VWA3B: variants seen among roughly 807,000 people sequenced by gnomAD.
VWA3B encodes the protein von Willebrand factor A domain-containing protein 3B.
In VWA3B, 138 loss-of-function variants were observed where a neutral mutation model predicts 158.3. That is an observed-to-expected ratio of 0.87 (90% CI 0.76 to 1.00). The LOEUF is 1.00. Ranked by LOEUF, VWA3B falls within the 50% of genes least tolerant of loss-of-function variation. The probability of loss-of-function intolerance (pLI) is 0.00; values close to 1 mark genes in which losing one functional copy is unlikely to be tolerated. For synonymous variants in VWA3B, 596 were observed against 587.3 expected (o/e 1.01, Z -0.21); for missense variants, 1,555 against 1,565.1 (o/e 0.99, Z 0.11).
At chr2:98,312,176 T>A in intron 27 of VWA3B, 24 bp from the exon 28 acceptor site, 2 of 1,614,168 alleles carry the variant, frequency 1.2e-6, no homozygotes, top group South Asian at 2.2e-5. Context: ...CATCCTTAAG[T>A]AATGCTGAAC....
intron 2 of VWA3B, among the ~76,000 whole-genome samples, chr2:98,095,471 G>A (rs1046837360): frequency 6.6e-6 from 1 of 152,038 alleles, no homozygotes; most frequent in African/African-American, 2.4e-5. Flanking sequence ...TGTTAATTTT[G>A]TAGTCTGCAA....
At chr2:98,126,538 GT>G (rs1400111053) in intron 5 of VWA3B, among the ~76,000 whole-genome samples, 1 of 152,188 alleles carries the variant, frequency 6.6e-6, no homozygotes, top group African/African-American at 2.4e-5. Flanking sequence ...GTTTAAATGT[GT>G]CTCCCACAAG....
intron 13 of VWA3B, chr2:98,216,924 T>C (rs960935383): frequency 1.7e-5 from 22 of 1,302,478 alleles, no homozygotes; most frequent in Non-Finnish European, 2.1e-5. Context: ...GTTTCCTTCA[T>C]TCCATACAGC....
intron 8 of VWA3B, among the ~76,000 whole-genome samples, chr2:98,180,449 C>A (rs945133493): frequency 6.6e-6 from 1 of 152,268 alleles, no homozygotes; most frequent in Admixed American, 6.5e-5. Context: ...GCCTTGGCCT[C>A]CCAAAGTGTT....
rs948604146 is a variant in VWA3B, at chr2:98,126,296, C to T, written c.703-1943C>T. 6.0e-4 allele frequency among the ~76,000 whole-genome samples: 91 copies of T among 152,284 alleles called. 1 individual carries two copies. Among genetic ancestry groups the T allele is most frequent in the African/African-American group, 1.9e-3 (80 of 41,546 alleles). ...GAGGAAAGAAGCTGAGTTTACATGA[C>T]GTGCATTGGACGTGTGTGGTGTCAG... On this transcript the variant is annotated intron_variant, in intron 5 of 27. Transcript: ENST00000477737.
chr2:98,207,813 G>A (rs919930036), intron 12 of VWA3B: 2 of 231,370 alleles, frequency 8.6e-6, no homozygotes, highest in African/African-American at 2.3e-5. Context: ...TCAGGTTTCG[G>A]TGTAAGCCAC....
Position 98,093,207 on chromosome 2 carries a change from TG to T in VWA3B, c.117del (p.Trp39CysfsTer12). 4 of 1,614,122 alleles carry T rather than the reference TG, an allele frequency of 2.5e-6. No individual in the cohort carries two copies. The highest frequency in any genetic ancestry group is 3.4e-6 in the Non-Finnish European group (4 of 1,180,000). ...GCAGAGTCTCATTTCATCTGAGAAA[TG>T]GCTTCAACTGCATGGGCTTAAGAGC... ...AEQSLISSEKWLQLHGLKSNK... is the reference protein window; with the variant it reads ...AEQSLISSEKXLQLHGLKSNK... On this transcript the variant is annotated frameshift_variant, in exon 2 of 28. Coordinates refer to ENST00000477737, the MANE Select transcript of VWA3B (RefSeq NM_144992.5). LOFTEE classifies it high-confidence loss of function.
chr2:98,225,958 G>A (rs1457173029), intron 14 of VWA3B, among the ~76,000 whole-genome samples: 1 of 152,198 alleles, frequency 6.6e-6, no homozygotes, highest in African/African-American at 2.4e-5. Context: ...GGAAAGATAT[G>A]TCCTGTTCAC....
At chr2:98,175,460 C>T (rs539600883) in intron 8 of VWA3B, among the ~76,000 whole-genome samples, 6 of 151,950 alleles carry the variant, frequency 3.9e-5, no homozygotes, top group African/African-American at 9.7e-5. Context: ...GGTTCAACAC[C>T]CCGATTTGAG....
intron 9 of VWA3B, among the ~76,000 whole-genome samples, chr2:98,183,447 G>A (rs1268605869): frequency 6.6e-6 from 1 of 152,024 alleles, no homozygotes; most frequent in Non-Finnish European, 1.5e-5. Flanking sequence ...GAAATGAATG[G>A]CTAAAAAGGC....
At position 98,181,046 on chromosome 2, in the gene VWA3B, C is replaced by G; in HGVS notation, c.1145C>G (p.Ser382Trp). The change falls in exon 9 of 28, where the codon TCG (serine) becomes TGG (tryptophan). Residue 382 changes from serine (S) to tryptophan (W), a missense_variant. By Grantham distance (177) the Ser-to-Trp change is radical. Coordinates refer to ENST00000477737, the MANE Select transcript of VWA3B (RefSeq NM_144992.5). ...GAAACAACCTCTGTTGAGATTGCAT[C>G]GAATCCAGAAGACACCTGGGACTCT... ...ESETTSVEIA[S>W]NPEDTWDSKT... 1 of 1,614,166 alleles carries G rather than the reference C, an allele frequency of 6.2e-7. No homozygotes were observed. Among genetic ancestry groups the G allele is most frequent in the Non-Finnish European group, 8.5e-7 (1 of 1,180,032 alleles).
intron 12 of VWA3B, among the ~76,000 whole-genome samples, chr2:98,195,419 GTT>G (rs1481304515): frequency 6.6e-6 from 1 of 152,168 alleles, no homozygotes; most frequent in Non-Finnish European, 1.5e-5. Flanking sequence ...CTTGTGACTT[GTT>G]TTTAAAACTG....
chr2:98,127,463 C>T (rs1429277208), intron 5 of VWA3B, among the ~76,000 whole-genome samples: 2 of 151,932 alleles, frequency 1.3e-5, no homozygotes, highest in African/African-American at 2.4e-5. Flanking sequence ...GAGGGGCGGC[C>T]GCCCTGAGAT....
intron 7 of VWA3B, among the ~76,000 whole-genome samples, chr2:98,148,745 C>T (rs1217474579): frequency 1.3e-5 from 2 of 152,202 alleles, no homozygotes; most frequent in African/African-American, 2.4e-5. Flanking sequence ...TCTCCACTGA[C>T]CTCTGTGCTA....
intron 23 of VWA3B, 102 bp downstream of exon 23, chr2:98,290,724 T>G (rs1474977304): frequency 4.0e-6 from 3 of 757,084 alleles, no homozygotes; most frequent in African/African-American, 1.8e-5. Flanking sequence ...TGACATTTCA[T>G]GAGCTGGCCT....
At chr2:98,172,114 CT>C (rs1679641192) in intron 8 of VWA3B, among the ~76,000 whole-genome samples, 1 of 152,262 alleles carries the variant, frequency 6.6e-6, no homozygotes, top group Admixed American at 6.5e-5. Context: ...ATTTGACCCT[CT>C]ACCTTGTCGC....
intron 9 of VWA3B, among the ~76,000 whole-genome samples, chr2:98,183,264 C>T (rs1225117729): frequency 1.4e-5 from 2 of 142,698 alleles, no homozygotes; most frequent in African/African-American, 5.3e-5. Context: ...GGACTACATA[C>T]TGAAACTGGA....
chr2:98,110,283 T>C (rs190473414), intron 2 of VWA3B, among the ~76,000 whole-genome samples: 11 of 152,246 alleles, frequency 7.2e-5, no homozygotes, highest in African/African-American at 2.6e-4. Flanking sequence ...TCTTTTTTCA[T>C]TTTGCTATTG....
intron 16 of VWA3B, among the ~76,000 whole-genome samples, chr2:98,234,433 G>A (rs903335957): frequency 6.6e-6 from 1 of 152,152 alleles, no homozygotes; most frequent in Admixed American, 6.5e-5. Flanking sequence ...GAATGAGTGT[G>A]GAAGCTGACT....
Sources: gnomAD v4.1 joint callset for allele counts (sites outside exome capture counted in the v4.1 genomes callset) on GRCh38, gnomAD v4.1.1 for gene constraint, MANE v1.5 for transcripts, NCBI Gene and HGNC (gene_info 2026-07-23, HGNC 2026-07-21) for gene names.